NDUFS1: variants seen among roughly 807,000 people sequenced by gnomAD.
NDUFS1 encodes the protein NADH-ubiquinone oxidoreductase 75 kDa subunit, mitochondrial.
NDUFS1 carries 61 observed loss-of-function variants against 84.4 expected under a neutral mutation model. The observed-to-expected ratio is 0.72, with a 90% CI of 0.59 to 0.89. NDUFS1 has a LOEUF of 0.89. Among genes scored for constraint, NDUFS1 ranks in the 40% least tolerant of loss-of-function variants. NDUFS1 has a pLI of 0.00. For synonymous variants in NDUFS1, 275 were observed against 290.0 expected (o/e 0.95, Z 0.53); for missense variants, 891 against 890.0 (o/e 1.00, Z -0.01).
chr2:206,149,899 G>C lies in NDUFS1; in HGVS notation c.180C>G (p.Ile60Met), dbSNP rs1692301568. 5 of 1,567,966 alleles carry C rather than the reference G, an allele frequency of 3.2e-6. No individual in the cohort carries two copies. The highest frequency in any genetic ancestry group is 4.4e-6 in the Non-Finnish European group (5 of 1,148,682). ...ACCTTTCATGATAACAGAATCGAGG[G>C]ATCTGCATGCCAACCTTCTCACAAG... ...LQACEKVGMQ[I>M]PRFCYHERLS... is the part of the protein sequence containing the mutation. The change falls in exon 4 of 19, where the codon ATC (isoleucine) becomes ATG (methionine). Residue 60 changes from isoleucine to methionine, a missense_variant. Transcript: ENST00000233190.
Position 206,145,128 on chromosome 2 carries a change from T to C in NDUFS1, c.738-102A>G, listed in dbSNP as rs1692110376. ...TTTTTTTTACAATTAATTCCCTTTC[T>C]GAATTACTTTAAAAAATGAAGCTTA... is the stretch of plus-strand genomic sequence containing the variant. On this transcript the variant is annotated intron_variant, in intron 8 of 18. Transcript: ENST00000233190. The C allele has an allele frequency of 3.5e-6, 4 of 1,133,592 alleles. No individual in the cohort carries two copies. In the East Asian group the frequency reaches 7.3e-5, roughly 21 times the overall value. 70.2% of individuals were successfully genotyped at this position (1,133,592 alleles called of 1,614,324 possible).
chr2:206,136,411 T>G (rs935304042), intron 13 of NDUFS1, among the ~76,000 whole-genome samples: 1 of 147,898 alleles, frequency 6.8e-6, no homozygotes, highest in Non-Finnish European at 1.5e-5. Flanking sequence ...AGAAACTCCT[T>G]AGTTTTTAGT....
rs1279962195 is a variant in NDUFS1 at position 206,147,645 on chromosome 2, A to T, written c.437T>A (p.Phe146Tyr). 6.2e-7 allele frequency: 1 copy of T among 1,614,172 alleles called. No individual in the cohort carries two copies. The highest frequency in any genetic ancestry group is 2.2e-5 in the East Asian group (1 of 44,880). Residue 146 changes from phenylalanine (F) to tyrosine (Y), a missense_variant, in exon 7 of 19, where the codon TTT (phenylalanine) becomes TAT (tyrosine). Coordinates refer to ENST00000233190, the MANE Select transcript of NDUFS1 (RefSeq NM_005006.7). ...TAAAAATCGGCTCCTATCATTTCCA[A>T]ACATCATGGACTGGTCCTTAAGTAG... ...ECDLQDQSMM[F>Y]GNDRSRFLEG...
intron 15 of NDUFS1, among the ~76,000 whole-genome samples, chr2:206,129,711 C>T (rs1575950370): frequency 1.3e-5 from 2 of 151,804 alleles, no homozygotes; most frequent in African/African-American, 2.4e-5. Flanking sequence ...CCTGTCTTAG[C>T]CTCCCGAGTA....
chr2:206,148,966 A>C (rs1692263025), intron 5 of NDUFS1, 54 bp downstream of exon 5: 1 of 1,342,520 alleles, frequency 7.4e-7, no homozygotes, highest in Admixed American at 1.7e-5. Flanking sequence ...AAATACCAAA[A>C]TGTGCAATTT....
At chr2:206,157,481 G>C (rs1687706201) in intron 1 of NDUFS1, among the ~76,000 whole-genome samples, 1 of 152,122 alleles carries the variant, frequency 6.6e-6, no homozygotes, top group African/African-American at 2.4e-5. Context: ...CCAAGTTCTA[G>C]AACTAGAGTA....
intron 4 of NDUFS1, 86 bp from the exon 5 acceptor site, chr2:206,149,182 TA>T (rs2105977251): frequency 1.0e-6 from 1 of 962,744 alleles, no homozygotes; most frequent in South Asian, 1.5e-5. Context: ...TTAAATTATA[TA>T]AAAACATTAA....
In NDUFS1 at chr2:206,142,691, T is replaced by C. The variant is rs1692009014; in HGVS notation, c.1128A>G (p.Gly376=). The change falls in exon 11 of 19, where the codon GGA becomes GGG. Residue 376 remains glycine (G), a synonymous_variant. Coordinates refer to ENST00000233190, the MANE Select transcript of NDUFS1 (RefSeq NM_005006.7). ...CCTAGCTTCATATTTCTCACCCAGC[T>C]CCTGCAGTGGGGAAGACCTCTTCAG... The part of the protein sequence containing the change: ...LCTEEVFPTA[G]AGTDLRSNYL... The C allele has an allele frequency of 1.9e-6, 3 of 1,614,174 alleles. No individual in the cohort carries two copies. The highest frequency in any genetic ancestry group is 2.5e-6 in the Non-Finnish European group (3 of 1,180,022).
At chr2:206,133,147 A>G in intron 13 of NDUFS1, 42 bp from the exon 14 acceptor site, 1 of 1,506,048 alleles carries the variant, frequency 6.6e-7, no homozygotes. Flanking sequence ...AAATATTACA[A>G]GTAAGCTGAA....
At position 206,142,705 on chromosome 2, in the gene NDUFS1, A is replaced by G. The variant is rs1323177119; in HGVS notation, c.1114T>C (p.Phe372Leu). Residue 372 changes from phenylalanine (F) to leucine (L), a missense_variant, in exon 11 of 19, where the codon TTC (phenylalanine) becomes CTC (leucine). Physicochemically the swap from Phe to Leu is conservative, Grantham distance 22. Transcript: ENST00000233190. ...TCTCACCCAGCTCCTGCAGTGGGGAAGACCTCTTCAGTGCATAAGGTGTCA... is the reference window on the plus strand; with the variant it reads ...TCTCACCCAGCTCCTGCAGTGGGGAGGACCTCTTCAGTGCATAAGGTGTCA... ...DSDTLCTEEVFPTAGAGTDLR... is the reference protein window; with the variant it reads ...DSDTLCTEEVLPTAGAGTDLR... The G allele has an allele frequency of 6.2e-7, 1 of 1,614,124 alleles. No individual in the cohort carries two copies. Among genetic ancestry groups the G allele is most frequent in the African/African-American group, 1.3e-5 (1 of 74,946 alleles).
chr2:206,144,805 G>T, intron 9 of NDUFS1, 87 bp downstream of exon 9: 1 of 1,384,144 alleles, frequency 7.2e-7, no homozygotes, highest in Non-Finnish European at 1.0e-6. Flanking sequence ...TAACTAATTT[G>T]CAAATATAAA....
In NDUFS1 at chr2:206,116,652, A is replaced by G. The variant is rs1273023337; in HGVS notation, c.*7533T>C. The G allele has an allele frequency of 4.7e-6, 2 of 423,990 alleles. No individual in the cohort carries two copies. The highest frequency in any genetic ancestry group is 2.0e-5 in the African/African-American group (1 of 49,284). The allele number at this position is 423,990 out of a possible 1,614,324, so 26.3% of individuals were successfully genotyped here. ...TGTAATTCCAGAACTTTGGGAGGTC[A>G]AGGTGGGAGGAGCGCCTGGGCCCAG... is the stretch of plus-strand genomic sequence containing the variant. On this transcript the variant is annotated 3_prime_UTR_variant, in exon 19 of 19. Coordinates refer to ENST00000233190, the MANE Select transcript of NDUFS1 (RefSeq NM_005006.7).
Position 206,116,603 on chromosome 2 carries a change from G to T in NDUFS1, c.*7582C>A, listed in dbSNP as rs1396891483. ...AATTTCTTTATAAATTACCCAGTCT[G>T]GGCCTGGTGTGTTGGCTCACATGTG... On this transcript the variant is annotated 3_prime_UTR_variant, in exon 19 of 19. Coordinates refer to ENST00000233190, the MANE Select transcript of NDUFS1 (RefSeq NM_005006.7). The T allele has an allele frequency of 1.9e-6, 1 of 517,168 alleles. No individual in the cohort carries two copies. The highest frequency in any genetic ancestry group is 3.5e-6 in the Non-Finnish European group (1 of 284,764). 32.0% of individuals were successfully genotyped at this position (517,168 alleles called of 1,614,324 possible). A position where few individuals can be genotyped will look rare whatever the true frequency, so the allele number is the denominator to read the frequency against.
chr2:206,136,884 T>C (rs1330002781), intron 13 of NDUFS1, among the ~76,000 whole-genome samples: 1 of 151,762 alleles, frequency 6.6e-6, no homozygotes, highest in Non-Finnish European at 1.5e-5. Flanking sequence ...GCCTCCTGAG[T>C]AGCTGGGATT....
chr2:206,132,792 C>A (rs1380626364), intron 14 of NDUFS1, among the ~76,000 whole-genome samples, 153 bp downstream of exon 14: 1 of 152,076 alleles, frequency 6.6e-6, no homozygotes, highest in Non-Finnish European at 1.5e-5. Flanking sequence ...TCGGGCTCTT[C>A]TCACACAGAG....
chr2:206,157,309 C>A (rs190083006), intron 1 of NDUFS1, among the ~76,000 whole-genome samples: 2 of 152,272 alleles, frequency 1.3e-5, no homozygotes, highest in East Asian at 3.9e-4. Context: ...CCAGTACACA[C>A]TGTGTAGATA....
At chr2:206,140,535 C>T (rs1452994533) in intron 12 of NDUFS1, among the ~76,000 whole-genome samples, 1 of 152,076 alleles carries the variant, frequency 6.6e-6, no homozygotes, top group African/African-American at 2.4e-5. Context: ...GGCTGGAGTA[C>T]AGTGGCATGA....
intron 1 of NDUFS1, among the ~76,000 whole-genome samples, 184 bp from the exon 2 acceptor site, chr2:206,153,866 T>C (rs957100826): frequency 2.6e-5 from 4 of 152,198 alleles, no homozygotes; most frequent in African/African-American, 9.7e-5. Context: ...TTGTACAATG[T>C]CAAAGAGCTA....
intron 14 of NDUFS1, 28 bp from the exon 15 acceptor site, chr2:206,130,270 T>C (rs774359216): frequency 1.8e-5 from 29 of 1,613,124 alleles, no homozygotes; most frequent in Non-Finnish European, 2.3e-5. Flanking sequence ...AATTTTACCA[T>C]AACTGCAGTA....
Sources: gnomAD v4.1 joint callset for allele counts (sites outside exome capture counted in the v4.1 genomes callset) on GRCh38, gnomAD v4.1.1 for gene constraint, MANE v1.5 for transcripts, NCBI Gene and HGNC (gene_info 2026-07-23, HGNC 2026-07-21) for gene names.